The following MAML2 variants were observed in gnomAD, a reference collection of about 807,000 sequenced individuals.
MAML2 encodes mastermind-like protein 2.
A neutral mutation model predicts 96.1 loss-of-function variants in MAML2; 22 were observed. That is an observed-to-expected ratio of 0.23 (90% CI 0.16 to 0.33). The LOEUF (loss-of-function observed/expected upper bound fraction) is 0.33, where lower values mean the gene tolerates loss of function less well. Among genes scored for constraint, MAML2 ranks in the 10% least tolerant of loss-of-function variants. The pLI, the probability that MAML2 is intolerant of heterozygous loss-of-function variation, is 1.00. For synonymous variants in MAML2, 561 were observed against 521.3 expected (o/e 1.08, Z -1.04); for missense variants, 1,367 against 1,392.4 (o/e 0.98, Z 0.29).
chr11:96,239,323 C>T (rs139811852), intron 1 of MAML2, among the ~76,000 whole-genome samples: 2 of 152,252 alleles, frequency 1.3e-5, no homozygotes, highest in Non-Finnish European at 2.9e-5. Context: ...GTAGAAGAGA[C>T]GGAAGTGAAT....
chr11:96,105,864 G>C (rs536254987), intron 1 of MAML2, among the ~76,000 whole-genome samples: 3 of 123,378 alleles, frequency 2.4e-5, no homozygotes, highest in Admixed American at 8.1e-5. Flanking sequence ...TAAGATATTT[G>C]GTTATAATGG....
chr11:96,308,906 T>C (rs538715076), intron 1 of MAML2, among the ~76,000 whole-genome samples: 1 of 152,354 alleles, frequency 6.6e-6, no homozygotes, highest in East Asian at 1.9e-4. Flanking sequence ...CTATACACAG[T>C]GAACCATACA....
At chr11:96,099,642 G>A (rs555265069) in intron 1 of MAML2, among the ~76,000 whole-genome samples, 14 of 152,208 alleles carry the variant, frequency 9.2e-5, no homozygotes, top group Non-Finnish European at 1.6e-4. Flanking sequence ...CCTGGGAAAC[G>A]GGATCCTTCT....
chr11:96,185,974 G>A (rs1015891043), intron 1 of MAML2, among the ~76,000 whole-genome samples: 5 of 152,062 alleles, frequency 3.3e-5, no homozygotes, highest in Non-Finnish European at 5.9e-5. Flanking sequence ...CAGACTCCCA[G>A]CCCCTCCCCA....
chr11:96,321,640 T>C (rs1440754718), intron 1 of MAML2, among the ~76,000 whole-genome samples: 1 of 152,166 alleles, frequency 6.6e-6, no homozygotes, highest in African/African-American at 2.4e-5. Context: ...GCAGGAAGTA[T>C]GTCTATAGAA....
In MAML2 at chr11:96,092,376, C is replaced by T. The variant is rs371164865; in HGVS notation, c.1655G>A (p.Arg552His). 15 of 1,613,838 alleles carry T rather than the reference C, an allele frequency of 9.3e-6. No homozygotes were observed. Among genetic ancestry groups the T allele is most frequent in the African/African-American group, 2.7e-5 (2 of 75,024 alleles). ...INNPHPAMEPRQGNTKPLFHF... is the reference protein window; with the variant it reads ...INNPHPAMEPHQGNTKPLFHF... The stretch of plus-strand genomic sequence containing the variant: ...AAACAAAGGCTTGGTGTTGCCCTGA[C>T]GGGGCTCCATGGCTGGGTGCGGGTT... Residue 552 changes from arginine (R) to histidine (H), a missense_variant, in exon 2 of 5, where the codon CGT (arginine) becomes CAT (histidine). Transcript: ENST00000524717. This position sits in a 1 kb window ranked among gnomAD's most constrained non-coding sequence, Gnocchi z 4.1.
intron 1 of MAML2, among the ~76,000 whole-genome samples, chr11:96,334,253 G>C (rs1364594691): frequency 2.6e-5 from 4 of 152,154 alleles, no homozygotes; most frequent in Non-Finnish European, 5.9e-5. Flanking sequence ...ACAATTCTGG[G>C]CTGGGAAACC....
chr11:96,063,566 A>G (rs941933052), intron 2 of MAML2, among the ~76,000 whole-genome samples: 1 of 152,218 alleles, frequency 6.6e-6, no homozygotes, highest in African/African-American at 2.4e-5. Context: ...AAATCATCAC[A>G]GTAGTCCCAT....
At chr11:96,253,223 C>T (rs1304003538) in intron 1 of MAML2, among the ~76,000 whole-genome samples, 1 of 152,118 alleles carries the variant, frequency 6.6e-6, no homozygotes, top group Non-Finnish European at 1.5e-5. Flanking sequence ...GAGAAAACTC[C>T]AAGGAAAACT....
At position 96,129,409 on chromosome 11, in the gene MAML2, GTGATGCTGA is replaced by G. The variant is rs1860507568; in HGVS notation, c.514-35901_514-35893del. Among the ~76,000 whole-genome samples, 3 of 152,192 alleles carry G rather than the reference GTGATGCTGA, an allele frequency of 2.0e-5. No individual in the cohort carries two copies. The South Asian group carries it at 6.2e-4, about 32-fold the overall frequency. On this transcript the variant is annotated intron_variant, in intron 1 of 4. Transcript: ENST00000524717. ...ATCCGGATTTCTAACAAGTTTCCAT[GTGATGCTGA>G]TGCTGCTCATCCAGGAACCACAATT...
intron 2 of MAML2, among the ~76,000 whole-genome samples, chr11:96,029,240 C>T (rs540172908): frequency 4.7e-5 from 7 of 150,278 alleles, no homozygotes; most frequent in African/African-American, 1.7e-4. Context: ...TCAATTTGTT[C>T]CACATGAGAC....
chr11:96,177,128 C>T (rs900225286), intron 1 of MAML2, among the ~76,000 whole-genome samples: 2 of 152,298 alleles, frequency 1.3e-5, no homozygotes, highest in Non-Finnish European at 2.9e-5. Flanking sequence ...AAAGTCTCTC[C>T]AGATATACTG....
intron 1 of MAML2, among the ~76,000 whole-genome samples, chr11:96,184,507 C>T (rs3016490): frequency 0.87 from 131,680 of 151,358 alleles, 57,404 homozygotes; most frequent in Middle Eastern, 0.93. Flanking sequence ...GTAAAGGTGG[C>T]GATTTCAACC....
intron 1 of MAML2, among the ~76,000 whole-genome samples, chr11:96,211,030 C>T (rs1861963674): frequency 6.6e-6 from 1 of 152,052 alleles, no homozygotes; most frequent in Admixed American, 6.6e-5. Flanking sequence ...ATATCCTTAC[C>T]TATCTTTGGA....
intron 2 of MAML2, among the ~76,000 whole-genome samples, chr11:96,082,554 G>A (rs1284225052): frequency 1.3e-5 from 2 of 152,148 alleles, no homozygotes; most frequent in Non-Finnish European, 2.9e-5. Flanking sequence ...GGCATTCATA[G>A]GGAGGAGAGC....
intron 1 of MAML2, among the ~76,000 whole-genome samples, chr11:96,251,078 C>T (rs1862576179): frequency 6.6e-6 from 1 of 152,220 alleles, no homozygotes; most frequent in Non-Finnish European, 1.5e-5. Context: ...ATAAAGTAGT[C>T]TTTACAATTA....
chr11:96,036,002 C>T (rs1290030076), intron 2 of MAML2, among the ~76,000 whole-genome samples: 1 of 152,180 alleles, frequency 6.6e-6, no homozygotes, highest in East Asian at 1.9e-4. Flanking sequence ...GCCTGTCATA[C>T]AGTGAAACCC....
intron 2 of MAML2, among the ~76,000 whole-genome samples, chr11:95,993,148 G>C (rs938205006): frequency 1.3e-5 from 2 of 150,064 alleles, no homozygotes; most frequent in Non-Finnish European, 3.0e-5. Context: ...GGGCTCAAGT[G>C]ATCCTAGATC....
rs969399814 is a variant in MAML2, at chr11:95,978,889, T to G, written c.*59A>C. ...CATCAACAGTTCAGCCTCTACAGAG[T>G]TTCTGTAATATACTGCCTTTTAGTG... On this transcript the variant is annotated 3_prime_UTR_variant, in exon 5 of 5. Coordinates refer to ENST00000524717, the MANE Select transcript of MAML2 (RefSeq NM_032427.4). 50 of 1,438,680 alleles carry G rather than the reference T, an allele frequency of 3.5e-5. No individual in the cohort carries two copies. In the Admixed American group the frequency reaches 1.2e-3, roughly 35 times the overall value. 89.1% of individuals were successfully genotyped at this position (1,438,680 alleles called of 1,614,324 possible). A position where few individuals can be genotyped will look rare whatever the true frequency, so the allele number is the denominator to read the frequency against.
Sources: gnomAD v4.1 joint callset for allele counts (sites outside exome capture counted in the v4.1 genomes callset) on GRCh38, gnomAD v4.1.1 for gene constraint, Gnocchi (gnomAD v3.1) non-coding constraint, MANE v1.5 for transcripts, NCBI Gene and HGNC (gene_info 2026-07-23, HGNC 2026-07-21) for gene names.